USP14: variants seen among roughly 807,000 people sequenced by gnomAD.
The protein encoded by USP14 is ubiquitin specific peptidase 14.
In USP14, 38 loss-of-function variants were observed where a neutral mutation model predicts 76.5. That is an observed-to-expected ratio of 0.50 (90% confidence interval 0.38 to 0.65). The LOEUF is 0.65. Among genes scored for constraint, USP14 ranks in the 30% least tolerant of loss-of-function variants. The pLI, the probability that USP14 is intolerant of heterozygous loss-of-function variation, is 0.00. For missense variants in USP14, 467 were observed against 586.5 expected (o/e 0.80, Z 2.10); for synonymous variants, 192 against 191.7 (o/e 1.00, Z -0.01).
At chr18:196,556 G>A in intron 6 of USP14, 81 bp from the exon 7 acceptor site, 2 of 1,418,718 alleles carry the variant, frequency 1.4e-6, no homozygotes, top group Non-Finnish European at 9.5e-7. Flanking sequence ...GTTTTTGTTT[G>A]TATTAATTAA....
At chr18:187,887 A>G (rs1909976181) in intron 5 of USP14, among the ~76,000 whole-genome samples, 1 of 152,134 alleles carries the variant, frequency 6.6e-6, no homozygotes, top group Non-Finnish European at 1.5e-5. Flanking sequence ...GATATTTATG[A>G]TTATGATTTA....
intron 8 of USP14, 102 bp downstream of exon 8, chr18:197,798 T>G: frequency 1.1e-6 from 1 of 874,038 alleles, no homozygotes; most frequent in Admixed American, 2.7e-5. Flanking sequence ...ATCTTATAGG[T>G]AGATGTGTAT....
chr18:197,765 C>A, intron 8 of USP14, 69 bp downstream of exon 8: 2 of 1,255,048 alleles, frequency 1.6e-6, no homozygotes, highest in South Asian at 1.4e-5. Flanking sequence ...TTTTTTTCCC[C>A]TCAAAGGCTT....
chr18:166,724 T>C, intron 2 of USP14, 63 bp from the exon 3 acceptor site: 1 of 1,452,668 alleles, frequency 6.9e-7, no homozygotes, highest in Non-Finnish European at 9.5e-7. Flanking sequence ...AATAAATTGA[T>C]TATTAGATTG....
rs779913207 is a variant in USP14, at chr18:198,090, A to G, written c.719A>G (p.Lys240Arg). 1 of 1,610,948 alleles carries G rather than the reference A, an allele frequency of 6.2e-7. No homozygotes were observed. Among genetic ancestry groups the G allele is most frequent in the Non-Finnish European group, 8.5e-7 (1 of 1,177,866 alleles). Residue 240 changes from lysine (K) to arginine (R), a missense_variant, in exon 9 of 16, where the codon AAA becomes AGA. Coordinates refer to ENST00000261601, the MANE Select transcript of USP14 (RefSeq NM_005151.4). ...SASAATPSKK[K>R]SLIDQFFGVE... Reference sequence around the variant, plus strand: ...TCGGCAGCGACACCTTCTAAAAAGAAAAGTTTAATCGATCAGTTCTTCGGT... The same window carrying G: ...TCGGCAGCGACACCTTCTAAAAAGAGAAGTTTAATCGATCAGTTCTTCGGT...
intron 5 of USP14, among the ~76,000 whole-genome samples, chr18:186,731 G>A (rs988852522): frequency 2.0e-5 from 3 of 152,082 alleles, no homozygotes; most frequent in Admixed American, 6.6e-5. Flanking sequence ...CAGCCTGGGT[G>A]ACAGAGGGAG....
At chr18:185,556 G>T (rs778365818) in intron 5 of USP14, among the ~76,000 whole-genome samples, 2 of 152,114 alleles carry the variant, frequency 1.3e-5, no homozygotes, top group Non-Finnish European at 1.5e-5. Flanking sequence ...GAACAGAAAA[G>T]CCCCATATCT....
At chr18:188,863 GAGACGTGGTTTC>G (rs947083018) in intron 5 of USP14, among the ~76,000 whole-genome samples, 27 of 152,158 alleles carry the variant, frequency 1.8e-4, no homozygotes, top group African/African-American at 5.8e-4. Context: ...ATTTTTAGTA[GAGACGTGGTTTC>G]ACCATGTTGG....
chr18:203,245 T>C lies in USP14; in HGVS notation c.1035+55T>C, dbSNP rs924790117. Reference sequence around the variant, plus strand: ...AATGTAATTCTTTGAAGGTAATTGCTAACTCACAATTGCTTTCATTATTCC... The same window carrying C: ...AATGTAATTCTTTGAAGGTAATTGCCAACTCACAATTGCTTTCATTATTCC... On this transcript the variant is annotated intron_variant, in intron 12 of 15. Transcript: ENST00000261601. 2.8e-5 allele frequency: 41 copies of C among 1,468,686 alleles called. No homozygotes were observed. In the African/African-American group the frequency reaches 5.3e-4, roughly 19 times the overall value. 91.0% of individuals were successfully genotyped at this position (1,468,686 alleles called of 1,614,324 possible). A position where few individuals can be genotyped will look rare whatever the true frequency, so the allele number is the denominator to read the frequency against.
In USP14 at chr18:213,642, A is replaced by AGAG. The variant is rs1352494304; in HGVS notation, c.*2359_*2361dup. The AGAG allele has an allele frequency of 1.3e-5, 2 of 152,602 alleles. No individual in the cohort carries two copies. Among genetic ancestry groups the AGAG allele is most frequent in the African/African-American group, 2.4e-5 (1 of 41,450 alleles). 9.5% of individuals were successfully genotyped at this position (152,602 alleles called of 1,614,324 possible). On this transcript the variant is annotated 3_prime_UTR_variant, in exon 16 of 16. Transcript: ENST00000261601. The stretch of plus-strand genomic sequence containing the variant: ...TGACTGACTAGCTAGGTTAGGCCTA[A>AGAG]GAGTGTTTACCGAATAATCTGCACT...
At chr18:175,170 A>G (rs1226300294) in intron 3 of USP14, among the ~76,000 whole-genome samples, 1 of 152,184 alleles carries the variant, frequency 6.6e-6, no homozygotes, top group East Asian at 1.9e-4. Context: ...TTTATTTCAT[A>G]TATTAATTTC....
chr18:183,342 A>G (rs771803601), intron 5 of USP14, among the ~76,000 whole-genome samples: 1 of 148,080 alleles, frequency 6.8e-6, no homozygotes, highest in Non-Finnish European at 1.5e-5. Flanking sequence ...TCTTTCCCCC[A>G]GTTTTCCAAG....
At chr18:185,458 A>G (rs542213274) in intron 5 of USP14, among the ~76,000 whole-genome samples, 1 of 152,120 alleles carries the variant, frequency 6.6e-6, no homozygotes, top group South Asian at 2.1e-4. Context: ...CCTGGCTGAA[A>G]ATATTTGTCT....
intron 13 of USP14, among the ~76,000 whole-genome samples, chr18:207,558 A>G (rs1910562911): frequency 6.9e-6 from 1 of 144,454 alleles, no homozygotes. Flanking sequence ...GTGTGCCTGT[A>G]GTCCCAGCTG....
intron 5 of USP14, among the ~76,000 whole-genome samples, chr18:182,682 CA>C (rs1306914733): frequency 6.6e-6 from 1 of 152,156 alleles, no homozygotes; most frequent in Non-Finnish European, 1.5e-5. Flanking sequence ...GGGAGTTCAT[CA>C]GGGGTATCTG....
intron 5 of USP14, among the ~76,000 whole-genome samples, chr18:190,903 A>G (rs984726150): frequency 2.0e-5 from 3 of 152,106 alleles, no homozygotes; most frequent in African/African-American, 7.2e-5. Context: ...TAGGAATTAC[A>G]TTTTATTGCT....
In USP14 at chr18:185,253, G is replaced by T. The variant is rs141563168; in HGVS notation, c.404+4914G>T. 2.6e-5 allele frequency among the ~76,000 whole-genome samples: 4 copies of T among 151,870 alleles called. No individual in the cohort carries two copies. The East Asian group carries it at 7.7e-4, about 29-fold the overall frequency. On this transcript the variant is annotated intron_variant, in intron 5 of 15. Coordinates refer to ENST00000261601, the MANE Select transcript of USP14 (RefSeq NM_005151.4). ...CAGCTCACTGCAGCCTCTGCCTCCC[G>T]GCTTGAGCAATTCTTCTGTCTCAGC...
intron 3 of USP14, among the ~76,000 whole-genome samples, chr18:175,904 T>G (rs1598267828): frequency 6.6e-6 from 1 of 152,262 alleles, no homozygotes; most frequent in East Asian, 1.9e-4. Context: ...CTTTAAGAAT[T>G]TAGTGTCTTT....
At chr18:210,345 TATTC>T (rs1910637674) in intron 14 of USP14, 37 bp from the exon 15 acceptor site, 1 of 1,404,480 alleles carries the variant, frequency 7.1e-7, no homozygotes. Context: ...GGCACATGTC[TATTC>T]ATTGTCTAAT....
Sources: gnomAD v4.1 joint callset for allele counts (sites outside exome capture counted in the v4.1 genomes callset) on GRCh38, gnomAD v4.1.1 for gene constraint, MANE v1.5 for transcripts, NCBI Gene and HGNC (gene_info 2026-07-23, HGNC 2026-07-21) for gene names.